ST3GAL3: variants seen among roughly 807,000 people sequenced by gnomAD.
ST3GAL3 encodes the protein ST3 beta-galactoside alpha-2,3-sialyltransferase 3.
Under a neutral mutation model 50.1 loss-of-function variants are expected in ST3GAL3, and 21 were observed. The observed-to-expected ratio is 0.42, with a 90% CI of 0.30 to 0.60. ST3GAL3 has a LOEUF of 0.60. Ranked by LOEUF, ST3GAL3 falls within the 20% of genes least tolerant of loss-of-function variation. ST3GAL3 has a pLI of 0.19. For missense variants in ST3GAL3, 353 were observed against 489.4 expected, an observed-to-expected ratio of 0.72 and a Z score of 2.63; for synonymous variants, 183 against 190.0, an observed-to-expected ratio of 0.96 and a Z score of 0.30.
chr1:43,861,919 T>C (rs1415977308), intron 5 of ST3GAL3, among the ~76,000 whole-genome samples: 1 of 151,980 alleles, frequency 6.6e-6, no homozygotes, highest in Non-Finnish European at 1.5e-5. Context: ...TCCCAGCTAC[T>C]TGGGAGGCTG....
At chr1:43,798,225 CT>C (rs1460479667) in intron 3 of ST3GAL3, among the ~76,000 whole-genome samples, 1 of 152,156 alleles carries the variant, frequency 6.6e-6, no homozygotes, top group African/African-American at 2.4e-5. Context: ...AAGGTACCAT[CT>C]TCTCTTCCCT....
intron 7 of ST3GAL3, chr1:43,898,554 CTG>C (rs2077732116): frequency 1.8e-6 from 1 of 558,514 alleles, no homozygotes; most frequent in East Asian, 3.3e-5. Flanking sequence ...ACTGAACACA[CTG>C]GGGCTGGGAC....
intron 2 of ST3GAL3, among the ~76,000 whole-genome samples, chr1:43,778,947 A>AGAT (rs1466311886): frequency 7.0e-6 from 1 of 143,072 alleles, no homozygotes; most frequent in Non-Finnish European, 1.5e-5. Flanking sequence ...GCGCCCGGCC[A>AGAT]TTCTTTTTTT....
chr1:43,776,431 G>A (rs148626579), intron 2 of ST3GAL3, among the ~76,000 whole-genome samples: 1 of 151,972 alleles, frequency 6.6e-6, no homozygotes. Context: ...TCCATTATAG[G>A]ATAACACCAC....
chr1:43,715,123 T>G (rs1666719868), intron 1 of ST3GAL3, among the ~76,000 whole-genome samples: 2 of 152,182 alleles, frequency 1.3e-5, no homozygotes, highest in African/African-American at 4.8e-5. Context: ...ATTCTGTTAC[T>G]GAGGATTTAA....
intron 2 of ST3GAL3, among the ~76,000 whole-genome samples, chr1:43,754,422 C>A (rs2154114006): frequency 6.6e-6 from 1 of 152,238 alleles, no homozygotes; most frequent in Non-Finnish European, 1.5e-5. Flanking sequence ...TAACTCCTGA[C>A]CTCAAGCAAT....
At chr1:43,911,642 T>C (rs115974814) in intron 9 of ST3GAL3, among the ~76,000 whole-genome samples, 7,219 of 150,546 alleles carry the variant, frequency 0.048, 671 homozygotes, top group African/African-American at 0.17. Flanking sequence ...TCTATATCTA[T>C]AGATATATCT....
intron 5 of ST3GAL3, among the ~76,000 whole-genome samples, chr1:43,891,724 T>C (rs1344505260): frequency 6.6e-6 from 1 of 152,218 alleles, no homozygotes; most frequent in African/African-American, 2.4e-5. Flanking sequence ...AATCAGCTCA[T>C]TATTCTGCAA....
intron 5 of ST3GAL3, among the ~76,000 whole-genome samples, chr1:43,845,588 T>C (rs2066117447): frequency 6.6e-6 from 1 of 152,120 alleles, no homozygotes; most frequent in African/African-American, 2.4e-5. Context: ...AATAACTAGC[T>C]TTTAGTTCCA....
chr1:43,722,216 G>A (rs1670828168), intron 1 of ST3GAL3, among the ~76,000 whole-genome samples: 1 of 152,174 alleles, frequency 6.6e-6, no homozygotes, highest in African/African-American at 2.4e-5. Flanking sequence ...GAGTTGGCTA[G>A]ATGAAGTGGT....
At chr1:43,787,620 G>A (rs944110876) in intron 2 of ST3GAL3, among the ~76,000 whole-genome samples, 6 of 152,194 alleles carry the variant, frequency 3.9e-5, no homozygotes, top group African/African-American at 1.4e-4. Flanking sequence ...GATCGTAAGA[G>A]CATTCCGCTA....
chr1:43,774,540 G>A (rs1363668836), intron 2 of ST3GAL3, among the ~76,000 whole-genome samples: 1 of 152,118 alleles, frequency 6.6e-6, no homozygotes, highest in East Asian at 1.9e-4. Flanking sequence ...AGGAGTCAAG[G>A]CCAAGCGTGG....
At chr1:43,906,674 T>G (rs2079829033) in intron 9 of ST3GAL3, among the ~76,000 whole-genome samples, 1 of 152,046 alleles carries the variant, frequency 6.6e-6, no homozygotes, top group Non-Finnish European at 1.5e-5. Context: ...CCACTCTTCC[T>G]CCTCCTGTTC....
In ST3GAL3 at chr1:43,888,703, T is replaced by G. The variant is rs111917131; in HGVS notation, c.303-5680T>G. Among the ~76,000 whole-genome samples the G allele has an allele frequency of 3.4e-4, 51 of 152,228 alleles. 3 individuals carry two copies. Among genetic ancestry groups the G allele is most frequent in the African/African-American group, 1.1e-3 (45 of 41,540 alleles). On this transcript the variant is annotated intron_variant, in intron 5 of 11. Transcript: ENST00000347631. ...CACTCATAACAAAAGAAATGCAAATTAAGATGACAGTGAAATACTATTTTT... is the reference window on the plus strand; with the variant it reads ...CACTCATAACAAAAGAAATGCAAATGAAGATGACAGTGAAATACTATTTTT...
intron 2 of ST3GAL3, among the ~76,000 whole-genome samples, chr1:43,756,029 A>T (rs1687903604): frequency 7.5e-6 from 1 of 133,614 alleles, no homozygotes; most frequent in Non-Finnish European, 1.5e-5. Context: ...TGAGCCCAGG[A>T]TTTTGAGGCT....
At chr1:43,838,007 CGGGAGGCTGAGG>C (rs2064681253) in intron 4 of ST3GAL3, among the ~76,000 whole-genome samples, 200 bp from the exon 5 acceptor site, 1 of 129,082 alleles carries the variant, frequency 7.7e-6, no homozygotes, top group Non-Finnish European at 1.7e-5. Context: ...CCCAGCCACT[CGGGAGGCTGAGG>C]CAGGAGAATG....
intron 2 of ST3GAL3, among the ~76,000 whole-genome samples, chr1:43,750,402 A>G (rs556705543): frequency 3.2e-4 from 49 of 152,366 alleles, no homozygotes; most frequent in Non-Finnish European, 6.2e-4. Flanking sequence ...ATAGCCAGGT[A>G]CTGGAAACAA....
chr1:43,760,745 G>C (rs1481047580), intron 2 of ST3GAL3, among the ~76,000 whole-genome samples: 3 of 151,706 alleles, frequency 2.0e-5, no homozygotes, highest in Non-Finnish European at 4.4e-5. Context: ...GACACAGCAA[G>C]GCTCCGTCTC....
At chr1:43,717,652 CATGCCCCGGTA>C (rs2154067395) in intron 1 of ST3GAL3, among the ~76,000 whole-genome samples, 1 of 151,918 alleles carries the variant, frequency 6.6e-6, no homozygotes, top group East Asian at 1.9e-4. Context: ...TGCACACCAC[CATGCCCCGGTA>C]ATTTTTTTTT....
Sources: allele counts gnomAD v4.1 joint callset (sites outside exome capture counted in the v4.1 genomes callset), GRCh38; gene constraint gnomAD v4.1.1; transcripts MANE v1.5; gene names NCBI Gene and HGNC (gene_info 2026-07-23, HGNC 2026-07-21).